PRKD1: variants seen among roughly 807,000 people sequenced by gnomAD.
PRKD1 encodes the protein serine/threonine-protein kinase D1.
PRKD1 carries 63 observed loss-of-function variants against 95.9 expected under a neutral mutation model. The ratio of observed to expected loss-of-function variants is 0.66; its 90% CI spans 0.54 to 0.81. PRKD1 has a LOEUF of 0.81. Among genes scored for constraint, PRKD1 ranks in the 30% least tolerant of loss-of-function variants. PRKD1 has a pLI of 0.00. For synonymous variants in PRKD1, 425 were observed against 423.1 expected (o/e 1.00, Z -0.05); for missense variants, 1,048 against 1,165.3 (o/e 0.90, Z 1.47).
intron 1 of PRKD1, among the ~76,000 whole-genome samples, chr14:29,894,079 T>C (rs560983871): frequency 6.6e-6 from 1 of 152,090 alleles, no homozygotes; most frequent in Non-Finnish European, 1.5e-5. Context: ...AATGGGAGTA[T>C]ATAATTAGGG....
chr14:29,680,468 A>G lies in PRKD1; in HGVS notation c.404-14260T>C, dbSNP rs1347404160. 2.0e-5 allele frequency among the ~76,000 whole-genome samples: 3 copies of G among 151,852 alleles called. No homozygotes were observed. In the South Asian group the frequency reaches 6.2e-4, roughly 31 times the overall value. ...CAACAAGAGGAATATATAAGAAAGA[A>G]AAAAACCTACAACGCACTATTATGA... On this transcript the variant is annotated intron_variant, in intron 2 of 17. Coordinates refer to ENST00000331968, the MANE Select transcript of PRKD1 (RefSeq NM_002742.3).
chr14:29,797,440 ATCTG>A (rs1889865058), intron 1 of PRKD1, among the ~76,000 whole-genome samples: 2 of 152,230 alleles, frequency 1.3e-5, no homozygotes, highest in Non-Finnish European at 1.5e-5. Context: ...TTGCTTAAAT[ATCTG>A]TCTGAAGTAT....
At chr14:29,662,705 A>T (rs1882249885) in intron 4 of PRKD1, among the ~76,000 whole-genome samples, 1 of 152,066 alleles carries the variant, frequency 6.6e-6, no homozygotes, top group African/African-American at 2.4e-5. Context: ...CAAACAAGTA[A>T]TTTATACAAC....
chr14:29,834,913 G>C (rs1365542626), intron 1 of PRKD1, among the ~76,000 whole-genome samples: 1 of 152,136 alleles, frequency 6.6e-6, no homozygotes, highest in African/African-American at 2.4e-5. Context: ...GAACTCCATA[G>C]TCAATGTTTT....
At chr14:29,642,694 T>C (rs972471015) in intron 4 of PRKD1, among the ~76,000 whole-genome samples, 1 of 152,190 alleles carries the variant, frequency 6.6e-6, no homozygotes, top group African/African-American at 2.4e-5. Flanking sequence ...CTTACTTGTA[T>C]ATTTAATTAC....
chr14:29,878,341 C>CA (rs58074850), intron 1 of PRKD1, among the ~76,000 whole-genome samples: 6,248 of 49,668 alleles, frequency 0.13, 325 homozygotes, highest in South Asian at 0.19. Context: ...GTTCTAATGA[C>CA]AAAAAAAAAA....
Position 29,663,828 on chromosome 14 carries a change from T to G in PRKD1, c.567A>C (p.Ala189=). ...GCGLNYHKRC[A]FKIPNNCSGV... ...CGCTGCAATTGTTGGGTATTTTAAA[T>G]GCACATCTCTTATGGTAATTCAGAC... The change falls in exon 4 of 18, where the codon GCA becomes GCC. Residue 189 remains alanine, a synonymous_variant. Coordinates refer to ENST00000331968, the MANE Select transcript of PRKD1 (RefSeq NM_002742.3). The G allele has an allele frequency of 6.2e-7, 1 of 1,613,948 alleles. No homozygotes were observed. The highest frequency in any genetic ancestry group is 8.5e-7 in the Non-Finnish European group (1 of 1,179,894).
chr14:29,611,566 G>A (rs558988977), intron 13 of PRKD1, among the ~76,000 whole-genome samples: 1 of 152,082 alleles, frequency 6.6e-6, no homozygotes, highest in Non-Finnish European at 1.5e-5. Context: ...GGTTAAAAGA[G>A]TATAATGTTG....
chr14:29,587,822 C>A (rs1404282005), intron 16 of PRKD1, among the ~76,000 whole-genome samples: 1 of 152,032 alleles, frequency 6.6e-6, no homozygotes, highest in East Asian at 1.9e-4. Flanking sequence ...ATAAAATATT[C>A]TTTTATTAAA....
intron 4 of PRKD1, chr14:29,657,587 C>A (rs1277905713): frequency 6.6e-6 from 1 of 152,330 alleles, no homozygotes; most frequent in Non-Finnish European, 1.5e-5. Context: ...CTGCTACAGG[C>A]CGGGCGCAGT....
At chr14:29,753,063 A>C (rs533628248) in intron 1 of PRKD1, among the ~76,000 whole-genome samples, 44 of 130,090 alleles carry the variant, frequency 3.4e-4, no homozygotes, top group Non-Finnish European at 5.3e-4. Context: ...CAAAATATAG[A>C]TAGAAAGGGG....
At chr14:29,665,946 C>T in intron 3 of PRKD1, 131 bp downstream of exon 3, 3 of 979,028 alleles carry the variant, frequency 3.1e-6, no homozygotes, top group Admixed American at 2.5e-5. Flanking sequence ...TATATATGTA[C>T]CACATTTTCT....
intron 2 of PRKD1, among the ~76,000 whole-genome samples, chr14:29,686,080 T>C (rs1883849318): frequency 6.6e-6 from 1 of 152,196 alleles, no homozygotes. Context: ...TATAAAAGGC[T>C]TCCTACTTTC....
At chr14:29,711,178 T>C (rs1232259952) in intron 2 of PRKD1, among the ~76,000 whole-genome samples, 2 of 152,152 alleles carry the variant, frequency 1.3e-5, no homozygotes. Context: ...AGGTGGTATA[T>C]TGAGGCTATA....
At chr14:29,612,131 C>T (rs1878512690) in intron 13 of PRKD1, among the ~76,000 whole-genome samples, 1 of 152,120 alleles carries the variant, frequency 6.6e-6, no homozygotes, top group Non-Finnish European at 1.5e-5. Context: ...GTCTACTGGA[C>T]AAGGTTAGAT....
In PRKD1 at chr14:29,663,853, C is replaced by T. The variant is rs767636075; in HGVS notation, c.542G>A (p.Gly181Asp). The change falls in exon 4 of 18, where the codon GGT becomes GAT. Residue 181 changes from glycine (G) to aspartate (D), a missense_variant. By Grantham distance (94) the Gly-to-Asp change is moderately conservative. Around this residue, in one of 3 missense-constraint regions of PRKD1, gnomAD observed 275 missense variants for 248.6 expected, o/e 1.11. Transcript: ENST00000331968. ...VRQGLKCEGC[G>D]LNYHKRCAFK... ...TGCACATCTCTTATGGTAATTCAGA[C>T]CACACCCTGGAAAGGGAAAATAAAA... is the stretch of plus-strand genomic sequence containing the variant. 6.2e-7 allele frequency: 1 copy of T among 1,613,088 alleles called. No homozygotes were observed.
chr14:29,656,766 T>TA (rs1268827552), intron 4 of PRKD1, among the ~76,000 whole-genome samples: 7 of 151,890 alleles, frequency 4.6e-5, no homozygotes, highest in Non-Finnish European at 1.0e-4. Flanking sequence ...CGCTAGATGT[T>TA]AAAAAAAACA....
At chr14:29,756,601 C>T (rs574150435) in intron 1 of PRKD1, among the ~76,000 whole-genome samples, 1 of 152,282 alleles carries the variant, frequency 6.6e-6, no homozygotes, top group South Asian at 2.1e-4. Flanking sequence ...GTCCTTGATC[C>T]CTCTTGATGG....
At chr14:29,757,649 G>GTTTA (rs1218690865) in intron 1 of PRKD1, among the ~76,000 whole-genome samples, 3 of 149,144 alleles carry the variant, frequency 2.0e-5, no homozygotes, top group African/African-American at 7.4e-5. Flanking sequence ...AAATTAATTG[G>GTTTA]TTTTTAAAAA....
Sources: allele counts gnomAD v4.1 joint callset (sites outside exome capture counted in the v4.1 genomes callset), GRCh38; gene constraint gnomAD v4.1.1; regional missense constraint gnomAD v4.1.1; transcripts MANE v1.5; gene names NCBI Gene and HGNC (gene_info 2026-07-23, HGNC 2026-07-21).